CPB1: variants seen among roughly 807,000 people sequenced by gnomAD.
CPB1 encodes carboxypeptidase B.
In CPB1, 53 loss-of-function variants were observed where a neutral mutation model predicts 51.4. The ratio of observed to expected loss-of-function variants is 1.03; its 90% CI spans 0.83 to 1.30. The LOEUF (loss-of-function observed/expected upper bound fraction) is 1.30. Among genes scored for constraint, CPB1 ranks in the 50% most tolerant of loss-of-function variants. The pLI is 0.00. For missense variants in CPB1, 494 were observed against 516.2 expected (o/e 0.96, Z 0.42); for synonymous variants, 189 against 186.9 (o/e 1.01, Z -0.09).
chr3:148,827,973 C>A (rs956776118), intron 1 of CPB1, 29 bp from the exon 2 acceptor site: 3 of 1,612,676 alleles, frequency 1.9e-6, no homozygotes, highest in African/African-American at 1.3e-5. Context: ...ATTTCCAATT[C>A]TCTGTGCTTC....
At chr3:148,827,926 T>A in intron 1 of CPB1, 32 bp downstream of exon 1, 1 of 1,611,708 alleles carries the variant, frequency 6.2e-7, no homozygotes. Flanking sequence ...AGCAAGTCCT[T>A]CTTCCTTGCT....
chr3:148,847,274 A>C (rs1471977219), intron 9 of CPB1, among the ~76,000 whole-genome samples: 2 of 150,260 alleles, frequency 1.3e-5, no homozygotes, highest in African/African-American at 4.9e-5. Flanking sequence ...TGGAGGAATA[A>C]GTTTAAGCCC....
At chr3:148,831,541 A>G (rs759043761) in intron 2 of CPB1, among the ~76,000 whole-genome samples, 5 of 152,184 alleles carry the variant, frequency 3.3e-5, no homozygotes, top group Non-Finnish European at 7.4e-5. Context: ...ATTCCTGGAA[A>G]AATTTCAGGT....
intron 9 of CPB1, among the ~76,000 whole-genome samples, chr3:148,849,012 C>CTTTTTTTT (rs1266859977): frequency 3.0e-4 from 1 of 3,306 alleles, no homozygotes; most frequent in South Asian, 6.8e-3. Context: ...GTGTAGACCT[C>CTTTTTTTT]TTTTTTTTTT....
rs1713096120 is a variant in CPB1, at chr3:148,841,868, G to A, written c.520G>A (p.Gly174Ser). 1 of 1,613,984 alleles carries A rather than the reference G, an allele frequency of 6.2e-7. No homozygotes were observed. The highest frequency in any genetic ancestry group is 8.5e-7 in the Non-Finnish European group (1 of 1,179,870). Residue 174 changes from glycine (G) to serine (S), a missense_variant, in exon 6 of 11, where the codon GGT becomes AGT. Coordinates refer to ENST00000282957, the MANE Select transcript of CPB1 (RefSeq NM_001871.3). Reference protein sequence around the residue: ...QNKPAIFMDCGFHAREWISPA... With the variant: ...QNKPAIFMDCSFHAREWISPA... ...TAAGCCTGCCATTTTCATGGACTGT[G>A]GTTTCCATGCCAGAGAGTGGATTTC...
chr3:148,846,792 C>CGTGTGT (rs1245684317), intron 9 of CPB1, among the ~76,000 whole-genome samples: 21 of 68,540 alleles, frequency 3.1e-4, no homozygotes, highest in South Asian at 2.2e-3. Flanking sequence ...TGTGTGTGTG[C>CGTGTGT]GTGTGTATAT....
chr3:148,855,336 G>A (rs1022995897), intron 9 of CPB1: 2 of 152,032 alleles, frequency 1.3e-5, no homozygotes, highest in Admixed American at 6.6e-5. Flanking sequence ...CTCAGATATT[G>A]CTTCAGCATC....
intron 8 of CPB1, 45 bp downstream of exon 8, chr3:148,844,812 T>C (rs759667380): frequency 5.2e-6 from 8 of 1,535,994 alleles, no homozygotes; most frequent in Non-Finnish European, 6.3e-6. Flanking sequence ...TTGAAAAACA[T>C]AAGAGGAAAA....
At chr3:148,835,904 T>C (rs775549190) in intron 3 of CPB1, among the ~76,000 whole-genome samples, 9 of 152,128 alleles carry the variant, frequency 5.9e-5, no homozygotes, top group Non-Finnish European at 8.8e-5. Flanking sequence ...GTGGGTAGCA[T>C]AGTGCAACAA....
intron 3 of CPB1, among the ~76,000 whole-genome samples, chr3:148,838,804 C>T (rs1712987250): frequency 6.6e-6 from 1 of 152,188 alleles, no homozygotes; most frequent in Admixed American, 6.5e-5. Flanking sequence ...GATTAGATGA[C>T]TTTTCTAAAG....
At chr3:148,844,089 A>T (rs987965590) in intron 6 of CPB1, among the ~76,000 whole-genome samples, 2 of 152,210 alleles carry the variant, frequency 1.3e-5, no homozygotes, top group Admixed American at 1.3e-4. Flanking sequence ...CGTCTTACTT[A>T]CTAGAACTAG....
At chr3:148,838,572 T>C (rs1559957724) in intron 3 of CPB1, among the ~76,000 whole-genome samples, 1 of 152,198 alleles carries the variant, frequency 6.6e-6, no homozygotes, top group Non-Finnish European at 1.5e-5. Context: ...TCCTTGAATA[T>C]CATTTTCCTG....
At chr3:148,837,705 A>C (rs1350038116) in intron 3 of CPB1, among the ~76,000 whole-genome samples, 1 of 151,828 alleles carries the variant, frequency 6.6e-6, no homozygotes, top group Non-Finnish European at 1.5e-5. Flanking sequence ...GGATCATTTG[A>C]GGTCAGTCCC....
At chr3:148,844,981 A>C (rs1713191094) in intron 8 of CPB1, among the ~76,000 whole-genome samples, 1 of 152,174 alleles carries the variant, frequency 6.6e-6, no homozygotes, top group South Asian at 2.1e-4. Flanking sequence ...GATGCTGAAA[A>C]TATAAGGCTG....
chr3:148,829,896 G>T, intron 2 of CPB1, among the ~76,000 whole-genome samples: 1 of 152,062 alleles, frequency 6.6e-6, no homozygotes, highest in East Asian at 1.9e-4. Flanking sequence ...AGCTAGGGGG[G>T]TGTTACCTAG....
chr3:148,844,646 T>C, intron 7 of CPB1, 31 bp from the exon 8 acceptor site: 1 of 1,612,824 alleles, frequency 6.2e-7, no homozygotes, highest in East Asian at 2.2e-5. Flanking sequence ...CTCTCTATTA[T>C]ATTTGTCCTA....
At chr3:148,836,627 A>G (rs935438874) in intron 3 of CPB1, among the ~76,000 whole-genome samples, 1 of 152,188 alleles carries the variant, frequency 6.6e-6, no homozygotes, top group Non-Finnish European at 1.5e-5. Flanking sequence ...ATGTTGTCTC[A>G]TCTAGAACAT....
intron 2 of CPB1, among the ~76,000 whole-genome samples, chr3:148,829,660 C>T (rs747917954): frequency 6.6e-6 from 1 of 152,150 alleles, no homozygotes; most frequent in East Asian, 1.9e-4. Context: ...CTTCCCCTAA[C>T]TTTGTCTCTC....
intron 10 of CPB1, among the ~76,000 whole-genome samples, chr3:148,858,465 G>A (rs560438422): frequency 6.8e-4 from 103 of 152,108 alleles, no homozygotes; most frequent in Non-Finnish European, 1.4e-3. Flanking sequence ...CCAGCTGCTC[G>A]GGAGGCTGAG....
Sources: allele counts gnomAD v4.1 joint callset (sites outside exome capture counted in the v4.1 genomes callset), GRCh38; gene constraint gnomAD v4.1.1; transcripts MANE v1.5; gene names NCBI Gene and HGNC (gene_info 2026-07-23, HGNC 2026-07-21).